The following MTHFD1L variants were observed in gnomAD, a reference collection of about 807,000 sequenced individuals.
The protein encoded by MTHFD1L is monofunctional C1-tetrahydrofolate synthase, mitochondrial.
MTHFD1L carries 81 observed loss-of-function variants against 119.5 expected under a neutral mutation model. That is an observed-to-expected ratio of 0.68 (90% CI 0.57 to 0.82). The LOEUF (loss-of-function observed/expected upper bound fraction) is 0.82. MTHFD1L is among the 40% of genes least tolerant of loss of function. The pLI is 0.00. For missense variants in MTHFD1L, 1,125 were observed against 1,253.4 expected (o/e 0.90, Z 1.55); for synonymous variants, 430 against 475.2 (o/e 0.90, Z 1.24).
At position 151,029,183 on chromosome 6, in the gene MTHFD1L, G is replaced by A. The variant is rs187620742; in HGVS notation, c.2587-5310G>A. On this transcript the variant is annotated intron_variant, in intron 24 of 27. Transcript: ENST00000367321. ...CACCTGAAATCCCAGCACTTTGGGA[G>A]GCCGAGGCAGGCAGATCACCTGAGG... 2.2e-3 allele frequency among the ~76,000 whole-genome samples: 335 copies of A among 152,108 alleles called. 2 individuals carry two copies. The highest frequency in any genetic ancestry group is 7.7e-3 in the African/African-American group (321 of 41,484).
At chr6:151,021,034 A>G (rs1783873965) in intron 24 of MTHFD1L, among the ~76,000 whole-genome samples, 2 of 152,224 alleles carry the variant, frequency 1.3e-5, no homozygotes, top group South Asian at 2.1e-4. Context: ...GAGAAGGAAC[A>G]TATTACATAG....
Position 150,923,551 on chromosome 6 carries a change from T to C in MTHFD1L, c.1082+1249T>C, listed in dbSNP as rs1405649293. Among the ~76,000 whole-genome samples the C allele has an allele frequency of 2.7e-4, 36 of 133,964 alleles. 2 individuals are homozygous for C. The highest frequency in any genetic ancestry group is 6.3e-4 in the East Asian group (3 of 4,762). The allele number at this position is 133,964 out of a possible 152,430, so 87.9% of individuals were successfully genotyped here. A position where few individuals can be genotyped will look rare whatever the true frequency, so the allele number is the denominator to read the frequency against. ...TTTATTTATTTATTTTTTCTTTTTT[T>C]TTTTTTTTTTTTTGAGACAGAGTCT... On this transcript the variant is annotated intron_variant, in intron 10 of 27. Transcript: ENST00000367321.
At chr6:150,980,360 C>T (rs1777272030) in intron 20 of MTHFD1L, among the ~76,000 whole-genome samples, 1 of 152,186 alleles carries the variant, frequency 6.6e-6, no homozygotes, top group African/African-American at 2.4e-5. Flanking sequence ...CTGTTCGGCC[C>T]TTGTCCTACC....
In MTHFD1L at chr6:150,885,029, G is replaced by A. The variant is rs1168928433; in HGVS notation, c.543-605G>A. Among the ~76,000 whole-genome samples the A allele has an allele frequency of 4.6e-5, 7 of 152,130 alleles. No individual in the cohort carries two copies. In the East Asian group the frequency reaches 1.2e-3, roughly 25 times the overall value. On this transcript the variant is annotated intron_variant, in intron 5 of 27. Transcript: ENST00000367321. Reference sequence around the variant, plus strand: ...CCATTGAAAGGAGCTCCCTGGAGTTGCGAAGTGAAGCCCTGTATGGCTTTA... The same window carrying A: ...CCATTGAAAGGAGCTCCCTGGAGTTACGAAGTGAAGCCCTGTATGGCTTTA...
At chr6:151,099,903 T>A in intron 27 of MTHFD1L, 1 of 1,321,162 alleles carries the variant, frequency 7.6e-7, no homozygotes, top group Non-Finnish European at 1.1e-6. Flanking sequence ...CCAACCCCAG[T>A]GCCAGGCTGT....
At chr6:151,038,069 C>T (rs113812510) in intron 26 of MTHFD1L, among the ~76,000 whole-genome samples, 5 of 152,200 alleles carry the variant, frequency 3.3e-5, no homozygotes, top group African/African-American at 1.2e-4. Flanking sequence ...CATACTTCAT[C>T]TAATATTGGA....
chr6:150,889,296 A>G (rs1782838924), intron 7 of MTHFD1L, among the ~76,000 whole-genome samples: 1 of 152,258 alleles, frequency 6.6e-6, no homozygotes, highest in Non-Finnish European at 1.5e-5. Context: ...CTATATTAAA[A>G]TACCTAAATG....
chr6:151,063,758 T>A (rs1341058648), intron 26 of MTHFD1L, among the ~76,000 whole-genome samples: 1 of 152,188 alleles, frequency 6.6e-6, no homozygotes, highest in Non-Finnish European at 1.5e-5. Flanking sequence ...AAGAATTAAA[T>A]AATTAAACAT....
chr6:151,044,251 C>T (rs1217697236), intron 26 of MTHFD1L, among the ~76,000 whole-genome samples: 1 of 151,952 alleles, frequency 6.6e-6, no homozygotes, highest in Non-Finnish European at 1.5e-5. Context: ...GCCCCTCTGC[C>T]CTTTCTGGGC....
At chr6:151,020,561 G>A (rs1051157486) in intron 24 of MTHFD1L, among the ~76,000 whole-genome samples, 2 of 152,306 alleles carry the variant, frequency 1.3e-5, no homozygotes, top group East Asian at 3.9e-4. Flanking sequence ...CCGGATGGAG[G>A]CAGCAATGAA....
chr6:150,950,195 G>A (rs535397686), intron 16 of MTHFD1L, among the ~76,000 whole-genome samples: 5 of 152,148 alleles, frequency 3.3e-5, no homozygotes, highest in African/African-American at 1.2e-4. Flanking sequence ...AGTTGCCATC[G>A]CAGAGCTTGG....
chr6:150,935,545 G>A, intron 11 of MTHFD1L: 1 of 1,527,214 alleles, frequency 6.5e-7, no homozygotes, highest in Non-Finnish European at 8.9e-7. Flanking sequence ...AAATTTTGCG[G>A]CAACAGAAAA....
intron 20 of MTHFD1L, among the ~76,000 whole-genome samples, chr6:150,994,064 T>TAAAAAAAAAAAAA (rs746589557): frequency 5.4e-5 from 4 of 74,244 alleles, no homozygotes; most frequent in African/African-American, 3.0e-4. Context: ...ACAACAACAG[T>TAAAAAAAAAAAAA]AAAAAAAAAA....
intron 5 of MTHFD1L, among the ~76,000 whole-genome samples, chr6:150,885,180 T>C (rs1562313887): frequency 6.8e-6 from 1 of 147,302 alleles, no homozygotes. Flanking sequence ...CTGCTTTCTC[T>C]TTAATTCATT....
chr6:151,086,931 A>C (rs189638330), intron 26 of MTHFD1L, among the ~76,000 whole-genome samples: 13 of 152,264 alleles, frequency 8.5e-5, no homozygotes, highest in African/African-American at 3.1e-4. Flanking sequence ...TAGTTACTTC[A>C]TTGAAAAGAA....
intron 26 of MTHFD1L, among the ~76,000 whole-genome samples, chr6:151,073,055 A>G (rs1418865514): frequency 6.6e-6 from 1 of 152,196 alleles, no homozygotes; most frequent in African/African-American, 2.4e-5. Context: ...TTATCTAGAA[A>G]AAGTTTCCTG....
intron 5 of MTHFD1L, among the ~76,000 whole-genome samples, chr6:150,883,499 T>G (rs1054087755): frequency 2.6e-5 from 4 of 152,226 alleles, no homozygotes; most frequent in African/African-American, 9.6e-5. Flanking sequence ...AATAGTTTTT[T>G]CCTTGGTAAT....
intron 27 of MTHFD1L, among the ~76,000 whole-genome samples, chr6:151,092,878 A>G (rs1242757364): frequency 2.0e-5 from 3 of 152,198 alleles, no homozygotes; most frequent in African/African-American, 4.8e-5. Flanking sequence ...ATCTCTGACC[A>G]TAACAGAACT....
chr6:150,965,510 A>T (rs761203250), intron 19 of MTHFD1L, among the ~76,000 whole-genome samples: 3 of 152,074 alleles, frequency 2.0e-5, no homozygotes, highest in Non-Finnish European at 2.9e-5. Context: ...AATACAAAAA[A>T]ATTAGCCGGG....
Sources: allele counts gnomAD v4.1 joint callset (sites outside exome capture counted in the v4.1 genomes callset), GRCh38; gene constraint gnomAD v4.1.1; transcripts MANE v1.5; gene names NCBI Gene and HGNC (gene_info 2026-07-23, HGNC 2026-07-21).